The following ZNF250 variants were observed in gnomAD, a reference collection of about 807,000 sequenced individuals.
ZNF250 encodes zinc finger protein (clone 647).
A neutral mutation model predicts 37.1 loss-of-function variants in ZNF250; 13 were observed. The observed-to-expected ratio is 0.35, with a 90% CI of 0.23 to 0.56. The LOEUF is 0.56. Ranked by LOEUF, ZNF250 falls within the 20% of genes least tolerant of loss-of-function variation. ZNF250 has a pLI of 0.87. For missense variants in ZNF250, 474 were observed against 697.9 expected, an observed-to-expected ratio of 0.68 and a Z score of 3.61; for synonymous variants, 251 against 265.6, an observed-to-expected ratio of 0.94 and a Z score of 0.54.
intron 4 of ZNF250, among the ~76,000 whole-genome samples, chr8:144,888,363 G>T (rs942306035): frequency 2.6e-5 from 4 of 152,106 alleles, no homozygotes. Context: ...TTGGGAGGCT[G>T]AGGCAGGTGG....
Position 144,885,149 on chromosome 8 carries a change from C to T in ZNF250, c.346+1691G>A, listed in dbSNP as rs548909119. On this transcript the variant is annotated intron_variant, in intron 5 of 5. Coordinates refer to ENST00000417550, the MANE Select transcript of ZNF250 (RefSeq NM_001109689.4). ...ATACAATTTTTTTGAGACAGAGTTT[C>T]GTTCTTGTTGCCCAGGCTGGAGTGC... Among the ~76,000 whole-genome samples, 24 of 152,234 alleles carry T rather than the reference C, an allele frequency of 1.6e-4. No homozygotes were observed. In the East Asian group the frequency reaches 2.9e-3, roughly 18 times the overall value.
intron 4 of ZNF250, 65 bp downstream of exon 4, chr8:144,889,516 G>C: frequency 7.5e-7 from 1 of 1,327,158 alleles, no homozygotes; most frequent in East Asian, 2.3e-5. Flanking sequence ...TATGAACTAG[G>C]TCCACAGCTT....
Position 144,891,014 on chromosome 8 carries a change from GC to G in ZNF250, c.-54-612del, listed in dbSNP as rs1272287686. Among the ~76,000 whole-genome samples the G allele has an allele frequency of 6.6e-6, 1 of 152,190 alleles. No homozygotes were observed. Among genetic ancestry groups the G allele is most frequent in the Non-Finnish European group, 1.5e-5 (1 of 68,038 alleles). Reference sequence around the variant, plus strand: ...GTGGCCTAGGGATCTGGTCTGAGCAGCTGAAGGAAGACTTGTCATCAAGTGA... The same window carrying G: ...GTGGCCTAGGGATCTGGTCTGAGCAGTGAAGGAAGACTTGTCATCAAGTGA... On this transcript the variant is annotated intron_variant, in intron 1 of 5. Coordinates refer to ENST00000417550, the MANE Select transcript of ZNF250 (RefSeq NM_001109689.4). The surrounding 1 kb of genome is among the most constrained non-coding windows in gnomAD (Gnocchi z 4.0).
intron 4 of ZNF250, among the ~76,000 whole-genome samples, chr8:144,889,246 G>T (rs982440252): frequency 1.3e-5 from 2 of 152,226 alleles, no homozygotes; most frequent in Admixed American, 1.3e-4. Context: ...TAAATCATCA[G>T]GTAACTCTCA....
intron 1 of ZNF250, among the ~76,000 whole-genome samples, chr8:144,898,849 C>T (rs1227213091): frequency 6.6e-6 from 1 of 152,068 alleles, no homozygotes; most frequent in African/African-American, 2.4e-5. Context: ...AAAAATAGAT[C>T]CACCATATGA....
intron 1 of ZNF250, among the ~76,000 whole-genome samples, chr8:144,898,243 G>A (rs1038849523): frequency 2.6e-5 from 4 of 152,086 alleles, no homozygotes; most frequent in Non-Finnish European, 4.4e-5. Flanking sequence ...TTTGCAGTGA[G>A]CCAAGATCGC....
At position 144,897,526 on chromosome 8, in the gene ZNF250, T is replaced by G. The variant is rs1259820353; in HGVS notation, c.-55+3873A>C. ...TGGCTCATGCCTGTAATCCCAGCAC[T>G]TTGGGAGGCCAAGGTGGGTGGATCA... On this transcript the variant is annotated intron_variant, in intron 1 of 5. Coordinates refer to ENST00000417550, the MANE Select transcript of ZNF250 (RefSeq NM_001109689.4). The surrounding 1 kb of genome is among the most constrained non-coding windows in gnomAD (Gnocchi z 5.2). Among the ~76,000 whole-genome samples, 1 of 152,234 alleles carries G rather than the reference T, an allele frequency of 6.6e-6. No individual in the cohort carries two copies. The highest frequency in any genetic ancestry group is 2.4e-5 in the African/African-American group (1 of 41,462).
chr8:144,888,503 G>A (rs896571077), intron 4 of ZNF250, among the ~76,000 whole-genome samples: 6 of 148,788 alleles, frequency 4.0e-5, no homozygotes, highest in East Asian at 2.0e-4. Context: ...AAGCTGAGGC[G>A]TAAGAATTGC....
In ZNF250 at chr8:144,891,571, G is replaced by C. The variant is rs941654239; in HGVS notation, c.-54-1168C>G. Reference sequence around the variant, plus strand: ...TCTCTACTAAAAATACAAAAATCAGGCCGGGTGCAGTGGCTTATGCCTGTA... The same window carrying C: ...TCTCTACTAAAAATACAAAAATCAGCCCGGGTGCAGTGGCTTATGCCTGTA... On this transcript the variant is annotated intron_variant, in intron 1 of 5. Coordinates refer to ENST00000417550, the MANE Select transcript of ZNF250 (RefSeq NM_001109689.4). This position sits in a 1 kb window ranked among gnomAD's most constrained non-coding sequence, Gnocchi z 4.0. 6.6e-6 allele frequency among the ~76,000 whole-genome samples: 1 copy of C among 151,930 alleles called. No homozygotes were observed. The highest frequency in any genetic ancestry group is 6.6e-5 in the Admixed American group (1 of 15,248).
Position 144,882,805 on chromosome 8 carries a change from T to C in ZNF250, c.378A>G (p.Thr126=). 6.2e-7 allele frequency: 1 copy of C among 1,612,604 alleles called. No homozygotes were observed. The highest frequency in any genetic ancestry group is 8.5e-7 in the Non-Finnish European group (1 of 1,179,224). ...ECETKGESQN[T]DLSPKPLISE... The stretch of plus-strand genomic sequence containing the variant: ...AAATTAATGGCTTCGGACTCAAGTC[T>C]GTATTTTGACTCTCTCCCTTGGTTT... Residue 126 remains threonine (T), a synonymous_variant, in exon 6 of 6, where the codon ACA becomes ACG. Transcript: ENST00000417550. The surrounding 1 kb of genome is among the most constrained non-coding windows in gnomAD (Gnocchi z 5.5).
In ZNF250 at chr8:144,878,330, T is replaced by C. The variant is rs533755475; in HGVS notation, c.*3185A>G. 3 of 152,346 alleles carry C rather than the reference T, an allele frequency of 2.0e-5. No individual in the cohort carries two copies. In the South Asian group the frequency reaches 6.2e-4, roughly 32 times the overall value. 9.4% of individuals were successfully genotyped at this position (152,346 alleles called of 1,614,324 possible). A position where few individuals can be genotyped will look rare whatever the true frequency, so the allele number is the denominator to read the frequency against. On this transcript the variant is annotated 3_prime_UTR_variant, in exon 6 of 6. Coordinates refer to ENST00000417550, the MANE Select transcript of ZNF250 (RefSeq NM_001109689.4). ...TCAACCTTTCTCTGAAGAATCACCT[T>C]AGTGATTTCAGCCACCTCTGAAGTT...
In ZNF250 at chr8:144,901,094, G is replaced by A. The variant is rs1586933899; in HGVS notation, c.-55+305C>T. Among the ~76,000 whole-genome samples the A allele has an allele frequency of 2.6e-5, 4 of 152,136 alleles. No individual in the cohort carries two copies. The highest frequency in any genetic ancestry group is 9.6e-5 in the African/African-American group (4 of 41,518). ...GGTGGGAGGGACGCCGGTCTGACGG[G>A]GCCCAAGGGGGTAGGGGCGGGGAAG... On this transcript the variant is annotated intron_variant, in intron 1 of 5. Transcript: ENST00000417550. The surrounding 1 kb of genome is among the most constrained non-coding windows in gnomAD (Gnocchi z 5.4).
chr8:144,894,437 C>G (rs1436854945), intron 1 of ZNF250, among the ~76,000 whole-genome samples: 1 of 152,126 alleles, frequency 6.6e-6, no homozygotes, highest in African/African-American at 2.4e-5. Flanking sequence ...CCCTGCAGCC[C>G]TTTATCCCTT....
At chr8:144,886,774 T>C in intron 5 of ZNF250, 66 bp downstream of exon 5, 1 of 1,470,842 alleles carries the variant, frequency 6.8e-7, no homozygotes, top group Non-Finnish European at 9.5e-7. Context: ...TCTACATTCT[T>C]GTAAAACATT....
intron 1 of ZNF250, among the ~76,000 whole-genome samples, chr8:144,896,487 C>T (rs1371141049): frequency 6.6e-6 from 1 of 152,128 alleles, no homozygotes. Context: ...GAGCCTGTAA[C>T]AGGATACCAG....
At position 144,877,894 on chromosome 8, in the gene ZNF250, A is replaced by G. The variant is rs544739654; in HGVS notation, c.*3621T>C. ...TCTTTCTAAACAAATGTTCCTGTAT[A>G]TTGAATTTAATTATTCTCATCTTAA... is the stretch of plus-strand genomic sequence containing the variant. On this transcript the variant is annotated 3_prime_UTR_variant, in exon 6 of 6. Transcript: ENST00000417550. 2 of 152,304 alleles carry G rather than the reference A, an allele frequency of 1.3e-5. No individual in the cohort carries two copies. The highest frequency in any genetic ancestry group is 4.8e-5 in the African/African-American group (2 of 41,570). The allele number at this position is 152,304 out of a possible 1,614,324, so 9.4% of individuals were successfully genotyped here.
chr8:144,882,843 G>GA lies in ZNF250; in HGVS notation c.347-8dup, dbSNP rs764667221. 3 of 1,595,666 alleles carry GA rather than the reference G, an allele frequency of 1.9e-6. No individual in the cohort carries two copies. In the Admixed American group the frequency reaches 5.3e-5, roughly 28 times the overall value. On this transcript the variant is annotated splice_polypyrimidine_tract_variant and splice_region_variant and intron_variant, in intron 5 of 5. Transcript: ENST00000417550. This position sits in a 1 kb window ranked among gnomAD's most constrained non-coding sequence, Gnocchi z 5.5. The stretch of plus-strand genomic sequence containing the variant: ...TCTCCCTTGGTTTCACATTCTGAAA[G>GA]AACAAATCCAAAATGAAAATGTTAA...
intron 4 of ZNF250, among the ~76,000 whole-genome samples, chr8:144,887,635 C>G (rs541493867): frequency 2.0e-5 from 3 of 152,268 alleles, no homozygotes; most frequent in African/African-American, 4.8e-5. Flanking sequence ...CGCTCAAAGG[C>G]AGTTTAAGCT....
rs1352747772 is a variant in ZNF250 at position 144,897,605 on chromosome 8, G to A, written c.-55+3794C>T. ...GTCGGGGAGACCCTAACCCAGCGGC[G>A]CTAGAGGAATTAAAGACACACACAC... On this transcript the variant is annotated intron_variant, in intron 1 of 5. Transcript: ENST00000417550. The surrounding 1 kb of genome is among the most constrained non-coding windows in gnomAD (Gnocchi z 5.2). Among the ~76,000 whole-genome samples, 7 of 152,174 alleles carry A rather than the reference G, an allele frequency of 4.6e-5. No homozygotes were observed. The highest frequency in any genetic ancestry group is 1.9e-4 in the East Asian group (1 of 5,194).
Sources: allele counts gnomAD v4.1 joint callset (sites outside exome capture counted in the v4.1 genomes callset), GRCh38; gene constraint gnomAD v4.1.1; non-coding constraint Gnocchi (gnomAD v3.1); transcripts MANE v1.5; gene names NCBI Gene and HGNC (gene_info 2026-07-23, HGNC 2026-07-21).